The following SFXN1 variants were observed in gnomAD, a reference collection of about 807,000 sequenced individuals.
SFXN1 encodes the protein sideroflexin 1.
In SFXN1, 32 loss-of-function variants were observed where a neutral mutation model predicts 39.5. That is an observed-to-expected ratio of 0.81 (90% CI 0.61 to 1.09). The LOEUF (loss-of-function observed/expected upper bound fraction) is 1.09, where lower values mean the gene tolerates loss of function less well. Among genes scored for constraint, SFXN1 ranks in the 50% least tolerant of loss-of-function variants. The pLI is 0.00. For missense variants in SFXN1, 402 were observed against 407.1 expected, an observed-to-expected ratio of 0.99 and a Z score of 0.11; for synonymous variants, 136 against 146.5, an observed-to-expected ratio of 0.93 and a Z score of 0.52.
At chr5:175,495,279 A>G (rs1759815700) in intron 2 of SFXN1, among the ~76,000 whole-genome samples, 1 of 152,134 alleles carries the variant, frequency 6.6e-6, no homozygotes, top group African/African-American at 2.4e-5. Flanking sequence ...AGTAGAGGGG[A>G]AGTTGCCAGG....
intron 1 of SFXN1, among the ~76,000 whole-genome samples, chr5:175,480,665 A>G (rs1332992029): frequency 6.6e-6 from 1 of 152,264 alleles, no homozygotes; most frequent in African/African-American, 2.4e-5. Flanking sequence ...ACCAACTGGC[A>G]GGGAATATCC....
chr5:175,516,793 A>G, intron 8 of SFXN1, 130 bp downstream of exon 8: 1 of 826,396 alleles, frequency 1.2e-6, no homozygotes, highest in Non-Finnish European at 1.8e-6. Flanking sequence ...TACGTAAATA[A>G]AAAGATGTTC....
intron 2 of SFXN1, among the ~76,000 whole-genome samples, chr5:175,507,277 AT>A (rs1425656647): frequency 1.3e-5 from 2 of 152,016 alleles, no homozygotes; most frequent in African/African-American, 4.8e-5. Context: ...ATTTGAACTA[AT>A]TGCATCTGCA....
At chr5:175,511,569 T>C in intron 5 of SFXN1, 43 bp downstream of exon 5, 1 of 1,496,380 alleles carries the variant, frequency 6.7e-7, no homozygotes, top group South Asian at 1.1e-5. Flanking sequence ...TTTAATTTGT[T>C]ATCACCTGCC....
At chr5:175,503,098 C>T (rs182609667) in intron 2 of SFXN1, among the ~76,000 whole-genome samples, 1 of 152,192 alleles carries the variant, frequency 6.6e-6, no homozygotes, top group East Asian at 1.9e-4. Context: ...TCCAGAGGGG[C>T]CCAAGGGAAC....
chr5:175,509,029 T>A lies in SFXN1; in HGVS notation c.165-3T>A. On this transcript the variant is annotated splice_polypyrimidine_tract_variant and splice_region_variant and intron_variant, in intron 2 of 10. Coordinates refer to ENST00000321442, the MANE Select transcript of SFXN1 (RefSeq NM_022754.7). The stretch of plus-strand genomic sequence containing the variant: ...ATTGCCATATTATTTGTTGTTTTCT[T>A]AGGCAAGGAATTGTTCCTCCTGGTC... 1 of 1,600,506 alleles carries A rather than the reference T, an allele frequency of 6.2e-7. No homozygotes were observed. The highest frequency in any genetic ancestry group is 1.1e-5 in the South Asian group (1 of 89,066).
At position 175,520,735 on chromosome 5, in the gene SFXN1, C is replaced by A. The variant is rs1197152291; in HGVS notation, c.775-1184C>A. 2.6e-5 allele frequency among the ~76,000 whole-genome samples: 4 copies of A among 152,174 alleles called. No individual in the cohort carries two copies. The East Asian group carries it at 5.8e-4, about 22-fold the overall frequency. The stretch of plus-strand genomic sequence containing the variant: ...CTCGCTAAGTACTATGTTTACCCTC[C>A]CATCACCAAATCTGTCCCAGCCCAG... On this transcript the variant is annotated intron_variant, in intron 8 of 10. Transcript: ENST00000321442.
intron 2 of SFXN1, among the ~76,000 whole-genome samples, chr5:175,501,211 G>A (rs1471559900): frequency 6.6e-6 from 1 of 151,878 alleles, no homozygotes; most frequent in African/African-American, 2.4e-5. Flanking sequence ...TAGGATTACA[G>A]GTACGTGCCA....
intron 10 of SFXN1, among the ~76,000 whole-genome samples, chr5:175,524,721 C>T (rs1761008629): frequency 1.3e-5 from 2 of 150,886 alleles, no homozygotes; most frequent in South Asian, 4.2e-4. Context: ...AGAGGATCAA[C>T]AAAGTGAAAT....
chr5:175,526,006 G>A (rs1761045969), intron 10 of SFXN1: 1 of 151,920 alleles, frequency 6.6e-6, no homozygotes, highest in Non-Finnish European at 1.5e-5. Flanking sequence ...TTTAATGAGT[G>A]TGCGTTTCTC....
chr5:175,478,827 C>T (rs550976475), intron 1 of SFXN1, among the ~76,000 whole-genome samples, 188 bp downstream of exon 1: 1 of 152,122 alleles, frequency 6.6e-6, no homozygotes, highest in Non-Finnish European at 1.5e-5. Context: ...GGTCCCTGCA[C>T]CTGGGGATCC....
Position 175,481,124 on chromosome 5 carries a change from TA to T in SFXN1, c.-10+2489del, listed in dbSNP as rs201634494. On this transcript the variant is annotated intron_variant, in intron 1 of 10. Transcript: ENST00000321442. ...TGGTAAAACTTCATCCAAATATGTC[TA>T]AAATTCTAGTTTAGTGTTGTTCATT... Among the ~76,000 whole-genome samples the T allele has an allele frequency of 6.0e-3, 914 of 152,344 alleles. 6 individuals carry two copies. Among genetic ancestry groups the T allele is most frequent in the African/African-American group, 0.02 (851 of 41,566 alleles).
At chr5:175,505,047 G>A (rs1760235096) in intron 2 of SFXN1, among the ~76,000 whole-genome samples, 2 of 152,088 alleles carry the variant, frequency 1.3e-5, no homozygotes, top group South Asian at 2.1e-4. Context: ...TTTTAAAAAT[G>A]TAAAGTACTT....
chr5:175,524,113 AAAAAAAAAAAAAAT>A (rs1760964107), intron 10 of SFXN1: 1 of 55,108 alleles, frequency 1.8e-5, no homozygotes, highest in African/African-American at 9.2e-5. Flanking sequence ...CAAAAAAAAA[AAAAAAAAAAAAAAT>A]ATATATATAT....
At chr5:175,497,568 G>T (rs928666809) in intron 2 of SFXN1, among the ~76,000 whole-genome samples, 1 of 152,172 alleles carries the variant, frequency 6.6e-6, no homozygotes, top group Non-Finnish European at 1.5e-5. Context: ...GTATTCATGA[G>T]CCAGTGGTGT....
intron 7 of SFXN1, among the ~76,000 whole-genome samples, chr5:175,515,041 A>T (rs1447782899): frequency 6.6e-6 from 1 of 151,506 alleles, no homozygotes; most frequent in African/African-American, 2.4e-5. Context: ...TTGAGACAGG[A>T]TATTGCCCTG....
intron 7 of SFXN1, among the ~76,000 whole-genome samples, chr5:175,514,008 C>T (rs1377339261): frequency 6.6e-6 from 1 of 152,000 alleles, no homozygotes; most frequent in Non-Finnish European, 1.5e-5. Flanking sequence ...TGGATGGCAG[C>T]CCTGGCGTTT....
chr5:175,480,749 G>C (rs776737701), intron 1 of SFXN1, among the ~76,000 whole-genome samples: 1 of 152,142 alleles, frequency 6.6e-6, no homozygotes, highest in East Asian at 1.9e-4. Context: ...GAGCAGACCC[G>C]TCATCAAACG....
In SFXN1 at chr5:175,516,666, A is replaced by G; in HGVS notation, c.774+3A>G. The G allele has an allele frequency of 6.2e-7, 1 of 1,612,438 alleles. No individual in the cohort carries two copies. The highest frequency in any genetic ancestry group is 1.3e-5 in the African/African-American group (1 of 74,994). ...TGGAAAAGAAAGCCTTTTTGAAGGT[A>G]AGCTGTGGTTCTTTTGTCATTTTCT... On this transcript the variant is annotated splice_donor_region_variant and intron_variant, in intron 8 of 10. Transcript: ENST00000321442.
Sources: gnomAD v4.1 joint callset for allele counts (sites outside exome capture counted in the v4.1 genomes callset) on GRCh38, gnomAD v4.1.1 for gene constraint, MANE v1.5 for transcripts, NCBI Gene and HGNC (gene_info 2026-07-23, HGNC 2026-07-21) for gene names.